Variants in TACC2 observed in about 807,000 individuals in gnomAD.
TACC2 encodes transforming acidic coiled-coil containing protein 2.
Under a neutral mutation model 227.3 loss-of-function variants are expected in TACC2, and 137 were observed. That is an observed-to-expected ratio of 0.60 (90% confidence interval 0.52 to 0.69). TACC2 has a LOEUF of 0.69. TACC2 is among the 30% of genes least tolerant of loss of function. The probability of loss-of-function intolerance (pLI) is 0.00; values close to 1 mark genes in which losing one functional copy is unlikely to be tolerated. For synonymous variants in TACC2, 1,523 were observed against 1,487.5 expected, an observed-to-expected ratio of 1.02 and a Z score of -0.55; for missense variants, 3,470 against 3,694.4, an observed-to-expected ratio of 0.94 and a Z score of 1.57.
chr10:122,159,591 CAA>C (rs1301347550), intron 7 of TACC2, among the ~76,000 whole-genome samples: 1 of 152,228 alleles, frequency 6.6e-6, no homozygotes, highest in Middle Eastern at 3.4e-3. Flanking sequence ...GGTGGAGTAA[CAA>C]GATAACACTC....
chr10:122,239,099 G>T (rs1052555862), intron 18 of TACC2, among the ~76,000 whole-genome samples: 1 of 151,868 alleles, frequency 6.6e-6, no homozygotes, highest in Non-Finnish European at 1.5e-5. Flanking sequence ...CGCCTCCCGG[G>T]TTCAAGTGGT....
At position 122,106,177 on chromosome 10, in the gene TACC2, G is replaced by A. The variant is rs943043368; in HGVS notation, c.5573+17586G>A. Among the ~76,000 whole-genome samples the A allele has an allele frequency of 9.9e-5, 15 of 150,848 alleles. 1 individual carries two copies. Among genetic ancestry groups the A allele is most frequent in the South Asian group, 2.1e-4 (1 of 4,748 alleles). ...TAATTTTTGTATTTTTAGTAGAGAC[G>A]GGGTTTTGCCATGTTCGCCAGGTTG... On this transcript the variant is annotated intron_variant, in intron 5 of 22. Coordinates refer to ENST00000369005, the MANE Select transcript of TACC2 (RefSeq NM_206862.4).
intron 7 of TACC2, among the ~76,000 whole-genome samples, chr10:122,156,875 G>C (rs2092519368): frequency 6.6e-6 from 1 of 152,174 alleles, no homozygotes; most frequent in East Asian, 1.9e-4. Flanking sequence ...TGTAGTCCCA[G>C]CACTTTGGGA....
Position 122,021,987 on chromosome 10 carries a change from C to T in TACC2, c.6C>T (p.Gly2=), listed in dbSNP as rs1957393935. Residue 2 remains glycine (G), a synonymous_variant, in exon 2 of 23, where the codon GGC becomes GGT. Transcript: ENST00000369005. ...GCTGGGAACACTGAATCAACATGGG[C>T]AATGAGAACAGCACCTCGGACAACC... M[G]NENSTSDNQR... is the part of the protein sequence containing the mutation. The T allele has an allele frequency of 6.2e-7, 1 of 1,614,124 alleles. No individual in the cohort carries two copies.
rs1415114460 is a variant in TACC2 at position 122,139,883 on chromosome 10, G to C, written c.5700-3689G>C. Among the ~76,000 whole-genome samples the C allele has an allele frequency of 3.3e-5, 5 of 152,334 alleles. No homozygotes were observed. In the East Asian group the frequency reaches 7.7e-4, roughly 23 times the overall value. Reference sequence around the variant, plus strand: ...TCCCGTGACAGCCTGGGCCACTCTGGTGTTTGTCCTTGCACAAGGGCTTAA... The same window carrying C: ...TCCCGTGACAGCCTGGGCCACTCTGCTGTTTGTCCTTGCACAAGGGCTTAA... On this transcript the variant is annotated intron_variant, in intron 6 of 22. Transcript: ENST00000369005.
rs763431049 is a variant in TACC2 at position 122,087,848 on chromosome 10, G to A, written c.5348G>A (p.Arg1783His). Residue 1783 changes from arginine to histidine, a missense_variant, in exon 4 of 23, where the codon CGC becomes CAC. Arg to His is a conservative substitution (Grantham distance 29, BLOSUM62 0). Around this residue, in one of 10 missense-constraint regions of TACC2, gnomAD observed 1,924 missense variants for 1,978.3 expected, o/e 0.97. Coordinates refer to ENST00000369005, the MANE Select transcript of TACC2 (RefSeq NM_206862.4). ...GCTAAGGAGCAGCCAGGGCCTGAGC[G>A]CCCCATTCCAGCTGGGGATGGGAAG... is the stretch of plus-strand genomic sequence containing the variant. ...QQAKEQPGPE[R>H]PIPAGDGKVC... 12 of 1,526,718 alleles carry A rather than the reference G, an allele frequency of 7.9e-6. No individual in the cohort carries two copies. Among genetic ancestry groups the A allele is most frequent in the Admixed American group, 4.3e-5 (2 of 46,874 alleles). 94.6% of individuals were successfully genotyped at this position (1,526,718 alleles called of 1,614,324 possible).
intron 2 of TACC2, among the ~76,000 whole-genome samples, chr10:122,043,035 G>A (rs1378335689): frequency 6.6e-6 from 1 of 152,182 alleles, no homozygotes; most frequent in Non-Finnish European, 1.5e-5. Context: ...CACCCACTGA[G>A]GTAGGGAAGG....
chr10:122,036,266 C>T (rs1036561197), intron 2 of TACC2, among the ~76,000 whole-genome samples: 2 of 148,326 alleles, frequency 1.3e-5, no homozygotes, highest in African/African-American at 5.0e-5. Flanking sequence ...AATCTCGGCT[C>T]ACTGCAAGCT....
Position 122,087,518 on chromosome 10 carries a change from A to T in TACC2, c.5018A>T (p.Asn1673Ile). The T allele has an allele frequency of 6.2e-7, 1 of 1,613,918 alleles. No homozygotes were observed. Among genetic ancestry groups the T allele is most frequent in the South Asian group, 1.1e-5 (1 of 91,088 alleles). Residue 1673 changes from asparagine (N) to isoleucine (I), a missense_variant, in exon 4 of 23, where the codon AAT (asparagine) becomes ATT (isoleucine). Asn to Ile is a moderately radical substitution (Grantham distance 149, BLOSUM62 -3). Around this residue, in one of 10 missense-constraint regions of TACC2, gnomAD observed 1,924 missense variants for 1,978.3 expected, o/e 0.97. Transcript: ENST00000369005. ...ACTGCTGGCATCTTGGAAATGCGAA[A>T]TGCCCTGGGCAACCAGAGCACCCCT... The part of the protein sequence containing the change: ...GVTAGILEMR[N>I]ALGNQSTPAP...
rs75049248 is a variant in TACC2 at position 122,235,832 on chromosome 10, G to A, written c.8128-1563G>A. On this transcript the variant is annotated intron_variant, in intron 16 of 22. Coordinates refer to ENST00000369005, the MANE Select transcript of TACC2 (RefSeq NM_206862.4). ...CTTCTTGAGGGCCTGAGCCTGCCCT[G>A]TTCTCACATGAGCGAGTCTCTGGGG... is the stretch of plus-strand genomic sequence containing the variant. 6.0e-3 allele frequency among the ~76,000 whole-genome samples: 910 copies of A among 152,196 alleles called. 3 individuals carry two copies. The highest frequency in any genetic ancestry group is 0.01 in the Non-Finnish European group (692 of 68,008).
At chr10:122,183,251 T>C (rs150269916) in intron 7 of TACC2, among the ~76,000 whole-genome samples, 12 of 152,060 alleles carry the variant, frequency 7.9e-5, no homozygotes, top group Non-Finnish European at 1.2e-4. Context: ...GGGTGGGGGC[T>C]TAGGAGCCAG....
rs1565264695 is a variant in TACC2 at position 122,086,698 on chromosome 10, G to A, written c.4198G>A (p.Ala1400Thr). Residue 1400 changes from alanine to threonine, a missense_variant, in exon 4 of 23, where the codon GCC becomes ACC. Ala to Thr is a moderately conservative substitution (Grantham distance 58). This residue lies in a region of TACC2 where 1,924 missense variants were observed against 1,978.3 expected (regional missense o/e 0.97). Transcript: ENST00000369005. The part of the protein sequence containing the change: ...GGVDTSSEQI[A>T]TLTGFPDFRE... ...TGTGGACACAAGCTCTGAGCAAATC[G>A]CCACCCTCACTGGCTTCCCAGACTT... The A allele has an allele frequency of 2.5e-6, 4 of 1,613,840 alleles. No homozygotes were observed. The highest frequency in any genetic ancestry group is 2.2e-5 in the East Asian group (1 of 44,876).
rs1471555540 is a variant in TACC2 at position 122,087,932 on chromosome 10, T to C, written c.5432T>C (p.Leu1811Ser). Residue 1811 changes from leucine to serine, a missense_variant, in exon 4 of 23, where the codon TTG (leucine) becomes TCG (serine). Physicochemically the swap from Leu to Ser is moderately radical, Grantham distance 145. This residue lies in a region of TACC2 where 1,924 missense variants were observed against 1,978.3 expected (regional missense o/e 0.97). Transcript: ENST00000369005. ...DETHDPKLQH[L>S]APEELHTDRE... Reference sequence around the variant, plus strand: ...ACTCACGACCCGAAGCTGCAACATTTGGCTCCAGAAGAGCTCCACACTGAC... The same window carrying C: ...ACTCACGACCCGAAGCTGCAACATTCGGCTCCAGAAGAGCTCCACACTGAC... 6 of 1,510,072 alleles carry C rather than the reference T, an allele frequency of 4.0e-6. No homozygotes were observed. The highest frequency in any genetic ancestry group is 4.6e-5 in the Admixed American group (2 of 43,556). 93.5% of individuals were successfully genotyped at this position (1,510,072 alleles called of 1,614,324 possible).
At chr10:122,242,128 A>G in intron 19 of TACC2, 127 bp downstream of exon 19, 1 of 864,082 alleles carries the variant, frequency 1.2e-6, no homozygotes, top group Admixed American at 1.9e-5. Flanking sequence ...GAAGGACCAG[A>G]GCATTCCAGA....
At chr10:122,104,525 C>T (rs111952600) in intron 5 of TACC2, among the ~76,000 whole-genome samples, 8 of 152,220 alleles carry the variant, frequency 5.3e-5, no homozygotes, top group Admixed American at 6.5e-5. Context: ...CTTGCCACCA[C>T]GCCCAGCTAA....
At chr10:122,237,172 C>G (rs2095872942) in intron 16 of TACC2, among the ~76,000 whole-genome samples, 1 of 152,170 alleles carries the variant, frequency 6.6e-6, no homozygotes, top group Non-Finnish European at 1.5e-5. Context: ...GGGCCTCTGC[C>G]ATTAGCCCCT....
intron 2 of TACC2, among the ~76,000 whole-genome samples, chr10:122,035,236 G>T (rs1959899817): frequency 6.6e-6 from 1 of 152,172 alleles, no homozygotes; most frequent in Admixed American, 6.5e-5. Flanking sequence ...CGTGGATATG[G>T]TTTTTTATTG....
chr10:122,237,484 C>A lies in TACC2; in HGVS notation c.8217C>A (p.Gly2739=), dbSNP rs536628094. 3.1e-6 allele frequency: 5 copies of A among 1,614,140 alleles called. No individual in the cohort carries two copies. The South Asian group carries it at 5.5e-5, about 18-fold the overall frequency. The change falls in exon 17 of 23, where the codon GGC becomes GGA. Residue 2739 remains glycine, a synonymous_variant. Coordinates refer to ENST00000369005, the MANE Select transcript of TACC2 (RefSeq NM_206862.4). Reference sequence around the variant, plus strand: ...CCGCTGAGGTGGAGAAACCTGCAGGCCTTCTGTTCCAGCAGCCCGACCTGG... The same window carrying A: ...CCGCTGAGGTGGAGAAACCTGCAGGACTTCTGTTCCAGCAGCCCGACCTGG... ...IGTAEVEKPA[G]LLFQQPDLDS...
chr10:122,056,825 C>T (rs1466271877), intron 3 of TACC2, among the ~76,000 whole-genome samples: 1 of 152,118 alleles, frequency 6.6e-6, no homozygotes, highest in Non-Finnish European at 1.5e-5. Context: ...ATCTGTCAGT[C>T]AGGTGAGGGG....
Sources: allele counts gnomAD v4.1 joint callset (sites outside exome capture counted in the v4.1 genomes callset), GRCh38; gene constraint gnomAD v4.1.1; regional missense constraint gnomAD v4.1.1; transcripts MANE v1.5; gene names NCBI Gene and HGNC (gene_info 2026-07-23, HGNC 2026-07-21).